HPSE2: variants seen among roughly 807,000 people sequenced by gnomAD.
HPSE2 encodes the protein heparanase 2 (inactive).
HPSE2 carries 38 observed loss-of-function variants against 60.5 expected under a neutral mutation model. The observed-to-expected ratio is 0.63, with a 90% CI of 0.48 to 0.82. HPSE2 has a LOEUF of 0.82. Ranked by LOEUF, HPSE2 falls within the 40% of genes least tolerant of loss-of-function variation. HPSE2 has a pLI of 0.00. For synonymous variants in HPSE2, 295 were observed against 293.2 expected, an observed-to-expected ratio of 1.01 and a Z score of -0.06; for missense variants, 713 against 740.4, an observed-to-expected ratio of 0.96 and a Z score of 0.43.
the HPSE2 span, among the ~76,000 whole-genome samples, chr10:99,305,955 ACACACACGCGCGCGCGCGCGCGCG>A: frequency 0.046 from 1,270 of 27,510 alleles, 18 homozygotes; most frequent in Non-Finnish European, 0.06. Context: ...ATCCAAACTC[ACACACACGCGCGCGCGCGCGCGCG>A]CACACACACA....
Position 98,490,109 on chromosome 10 carries a change from GC to G in HPSE2, c.1407del (p.Pro470LeufsTer4), listed in dbSNP as rs751024460. The G allele has an allele frequency of 6.2e-7, 1 of 1,614,096 alleles. No individual in the cohort carries two copies. Among genetic ancestry groups the G allele is most frequent in the African/African-American group, 1.3e-5 (1 of 74,928 alleles). ...VHVAGLQRKP[R>X]PGRVIRDKLR... ...AGTTTGTCCCGGATCACTCGGCCAG[GC>G]CGTGGCTTCCGCTGGAGCCCAGCCA... On this transcript the variant is annotated frameshift_variant, in exon 10 of 12. Transcript: ENST00000370552. LOFTEE classifies it high-confidence loss of function.
chr10:98,966,149 C>T (rs1423258261), intron 3 of HPSE2, among the ~76,000 whole-genome samples: 2 of 152,168 alleles, frequency 1.3e-5, no homozygotes, highest in South Asian at 2.1e-4. Flanking sequence ...CTTCAGCCTC[C>T]CAAAGTGCTG....
chr10:98,798,948 T>A (rs926344135), intron 3 of HPSE2, among the ~76,000 whole-genome samples: 1 of 152,088 alleles, frequency 6.6e-6, no homozygotes, highest in Non-Finnish European at 1.5e-5. Flanking sequence ...AATGATAACA[T>A]TGAATGGAAA....
At chr10:98,978,588 T>C (rs1009810874) in intron 3 of HPSE2, among the ~76,000 whole-genome samples, 5 of 152,196 alleles carry the variant, frequency 3.3e-5, no homozygotes, top group African/African-American at 7.2e-5. Flanking sequence ...AGCTTCTATA[T>C]GGCTAATAGT....
rs529062123 is a variant in HPSE2, at chr10:98,935,690, C to T, written c.611-191634G>A. ...ATCCCAGAGGGGCACTGACCTGATGCCAGCTGGAGCTCTCCTATATAAGGC... is the reference window on the plus strand; with the variant it reads ...ATCCCAGAGGGGCACTGACCTGATGTCAGCTGGAGCTCTCCTATATAAGGC... On this transcript the variant is annotated intron_variant, in intron 3 of 11. Transcript: ENST00000370552. 4.9e-5 allele frequency among the ~76,000 whole-genome samples: 7 copies of T among 144,104 alleles called. 2 individuals are homozygous for T. Among genetic ancestry groups the T allele is most frequent in the African/African-American group, 2.0e-4 (7 of 35,616 alleles). 94.5% of individuals were successfully genotyped at this position (144,104 alleles called of 152,430 possible). A position where few individuals can be genotyped will look rare whatever the true frequency, so the allele number is the denominator to read the frequency against.
intron 5 of HPSE2, among the ~76,000 whole-genome samples, chr10:98,694,770 T>C (rs745427208): frequency 4.6e-5 from 7 of 152,196 alleles, no homozygotes; most frequent in Non-Finnish European, 1.0e-4. Flanking sequence ...CCTATCCACA[T>C]GTTCTGAGGC....
intron 9 of HPSE2, among the ~76,000 whole-genome samples, chr10:98,550,472 AT>A (rs34732107): frequency 0.27 from 38,542 of 143,478 alleles, 6,507 homozygotes; most frequent in East Asian, 0.52. Context: ...TCTTTCTTAA[AT>A]TTTTTTTTTT....
intron 6 of HPSE2, among the ~76,000 whole-genome samples, chr10:98,650,723 G>C (rs140806735): frequency 6.6e-6 from 1 of 152,316 alleles, no homozygotes; most frequent in African/African-American, 2.4e-5. Flanking sequence ...ATGGAATCTA[G>C]AATGTTGGAA....
Position 99,144,176 on chromosome 10 carries a change from A to G in HPSE2, c.610+62T>C, listed in dbSNP as rs1437536869. On this transcript the variant is annotated intron_variant, in intron 3 of 11. Transcript: ENST00000370552. The stretch of plus-strand genomic sequence containing the variant: ...AGTGGGTGTAGACAGACAGATGTGT[A>G]CCCCAAAAAACAAGTTACTAACTGA... 6.0e-6 allele frequency: 9 copies of G among 1,501,246 alleles called. No individual in the cohort carries two copies. The East Asian group carries it at 1.8e-4, about 30-fold the overall frequency. 93.0% of individuals were successfully genotyped at this position (1,501,246 alleles called of 1,614,324 possible). A position where few individuals can be genotyped will look rare whatever the true frequency, so the allele number is the denominator to read the frequency against.
chr10:98,869,447 C>A (rs930481271), intron 3 of HPSE2, among the ~76,000 whole-genome samples: 3 of 152,126 alleles, frequency 2.0e-5, no homozygotes, highest in African/African-American at 7.2e-5. Context: ...TGTTATCACT[C>A]TAAACATTTT....
chr10:98,972,985 T>C (rs1955995415), intron 3 of HPSE2, among the ~76,000 whole-genome samples: 2 of 152,168 alleles, frequency 1.3e-5, no homozygotes, highest in South Asian at 4.1e-4. Flanking sequence ...ATAAATTTTA[T>C]ATATTGATTC....
At chr10:98,954,027 C>T (rs867582126) in intron 3 of HPSE2, among the ~76,000 whole-genome samples, 2 of 152,080 alleles carry the variant, frequency 1.3e-5, no homozygotes, top group East Asian at 1.9e-4. Flanking sequence ...CTAAGTTGGC[C>T]GGATGCGGTG....
At chr10:99,048,903 A>G (rs1467406885) in intron 3 of HPSE2, among the ~76,000 whole-genome samples, 1 of 152,208 alleles carries the variant, frequency 6.6e-6, no homozygotes, top group Non-Finnish European at 1.5e-5. Flanking sequence ...CAGCTATAAA[A>G]AAGAATCAAA....
chr10:99,016,209 A>G (rs1957137855), intron 3 of HPSE2, among the ~76,000 whole-genome samples: 1 of 152,156 alleles, frequency 6.6e-6, no homozygotes, highest in Admixed American at 6.5e-5. Context: ...TAATTTTTAT[A>G]TATGGTATAA....
intron 11 of HPSE2, among the ~76,000 whole-genome samples, chr10:98,467,071 G>A (rs918413673): frequency 1.3e-5 from 2 of 152,028 alleles, no homozygotes; most frequent in African/African-American, 2.4e-5. Flanking sequence ...CCTTCTACCC[G>A]GACCTTTCTC....
chr10:98,733,553 T>C (rs1949279434), intron 4 of HPSE2, among the ~76,000 whole-genome samples: 1 of 152,198 alleles, frequency 6.6e-6, no homozygotes, highest in Non-Finnish European at 1.5e-5. Flanking sequence ...GTTCCTGACA[T>C]AGATTTGGTA....
intron 9 of HPSE2, among the ~76,000 whole-genome samples, chr10:98,577,698 T>C (rs983937928): frequency 6.6e-6 from 1 of 152,166 alleles, no homozygotes; most frequent in African/African-American, 2.4e-5. Flanking sequence ...TTCCACAATT[T>C]TGGCAGTGCC....
the HPSE2 span, among the ~76,000 whole-genome samples, chr10:99,276,684 T>C: frequency 1.3e-5 from 2 of 152,082 alleles, no homozygotes; most frequent in South Asian, 4.1e-4. Flanking sequence ...AGAAACAATA[T>C]TGAGTTCTCT....
intron 3 of HPSE2, among the ~76,000 whole-genome samples, chr10:99,108,455 G>T (rs535303658): frequency 6.6e-6 from 1 of 151,162 alleles, no homozygotes; most frequent in African/African-American, 2.4e-5. Flanking sequence ...CTTATGTTTA[G>T]ATATCTGTTT....
Sources: allele counts gnomAD v4.1 joint callset (sites outside exome capture counted in the v4.1 genomes callset), GRCh38; gene constraint gnomAD v4.1.1; transcripts MANE v1.5; gene names NCBI Gene and HGNC (gene_info 2026-07-23, HGNC 2026-07-21).